CWC22: variants seen among roughly 807,000 people sequenced by gnomAD.
CWC22 encodes the protein CWC22 spliceosome associated protein.
Under a neutral mutation model 117.2 loss-of-function variants are expected in CWC22, and 53 were observed. That is an observed-to-expected ratio of 0.45 (90% CI 0.36 to 0.57). CWC22 has a LOEUF of 0.57. Among genes scored for constraint, CWC22 ranks in the 20% least tolerant of loss-of-function variants. The probability of loss-of-function intolerance (pLI) is 0.00; values close to 1 mark genes in which losing one functional copy is unlikely to be tolerated. For synonymous variants in CWC22, 360 were observed against 355.6 expected (o/e 1.01, Z -0.14); for missense variants, 980 against 1,068.8 (o/e 0.92, Z 1.16).
chr2:179,996,894 C>T (rs1002521206), intron 1 of CWC22, among the ~76,000 whole-genome samples: 4 of 148,016 alleles, frequency 2.7e-5, no homozygotes, highest in Non-Finnish European at 4.5e-5. Context: ...AAAATGAAGA[C>T]ATTTACTGAT....
chr2:179,956,036 AC>A (rs1270723433), intron 14 of CWC22, among the ~76,000 whole-genome samples: 1 of 152,006 alleles, frequency 6.6e-6, no homozygotes, highest in Non-Finnish European at 1.5e-5. Flanking sequence ...GCATATAAAA[AC>A]GTGTTGCTTT....
intron 7 of CWC22, 119 bp downstream of exon 7, chr2:179,973,515 G>C: frequency 1.4e-6 from 1 of 729,810 alleles, no homozygotes; most frequent in African/African-American, 1.8e-5. Flanking sequence ...ATGAAAGACA[G>C]TTTTTAAAAA....
At chr2:179,960,371 A>G (rs1465257518) in intron 13 of CWC22, among the ~76,000 whole-genome samples, 1 of 152,016 alleles carries the variant, frequency 6.6e-6, no homozygotes, top group Admixed American at 6.5e-5. Context: ...GAAAGAAAAA[A>G]ATCAATAACT....
chr2:179,973,325 A>T (rs1424947721), intron 7 of CWC22, 79 bp from the exon 8 acceptor site: 2 of 958,746 alleles, frequency 2.1e-6, no homozygotes, highest in African/African-American at 3.3e-5. Context: ...GCCTACTAAC[A>T]TCATCTATTT....
At chr2:180,005,140 C>A (rs1687940335) in intron 1 of CWC22, among the ~76,000 whole-genome samples, 1 of 152,038 alleles carries the variant, frequency 6.6e-6, no homozygotes, top group South Asian at 2.1e-4. Context: ...GGAGATGATG[C>A]TGCTGATTCA....
At chr2:179,963,469 A>G in intron 13 of CWC22, among the ~76,000 whole-genome samples, 1 of 145,466 alleles carries the variant, frequency 6.9e-6, no homozygotes, top group African/African-American at 2.5e-5. Flanking sequence ...CAGCCTCCCG[A>G]GTAGCTGGGA....
intron 3 of CWC22, among the ~76,000 whole-genome samples, chr2:179,987,313 T>C (rs1365059068): frequency 3.3e-5 from 5 of 152,154 alleles, no homozygotes; most frequent in Admixed American, 2.6e-4. Flanking sequence ...CAAACAAGGA[T>C]GGATAGCATC....
intron 4 of CWC22, among the ~76,000 whole-genome samples, chr2:179,983,679 A>C (rs1002407508): frequency 1.1e-4 from 16 of 152,114 alleles, no homozygotes; most frequent in Non-Finnish European, 1.9e-4. Flanking sequence ...GAGGTATAAG[A>C]GACTTAAATG....
At chr2:179,965,056 T>C (rs1686854202) in intron 12 of CWC22, among the ~76,000 whole-genome samples, 1 of 149,898 alleles carries the variant, frequency 6.7e-6, no homozygotes, top group Non-Finnish European at 1.5e-5. Flanking sequence ...CATAAATACA[T>C]ATATTTGTTA....
chr2:179,978,414 C>A, intron 5 of CWC22, 96 bp from the exon 6 acceptor site: 11 of 1,263,608 alleles, frequency 8.7e-6, no homozygotes, highest in Non-Finnish European at 9.1e-6. Flanking sequence ...TAATTTTTGA[C>A]ATTATTTTCA....
chr2:179,946,467 G>C (rs1410235339), intron 19 of CWC22, among the ~76,000 whole-genome samples: 14 of 124,692 alleles, frequency 1.1e-4, no homozygotes, highest in Admixed American at 3.2e-4. Context: ...AAAAAAAAGG[G>C]GGGGGGGGAA....
intron 19 of CWC22, among the ~76,000 whole-genome samples, chr2:179,948,418 GGAT>G (rs2105504561): frequency 6.6e-6 from 1 of 152,004 alleles, no homozygotes; most frequent in East Asian, 1.9e-4. Context: ...ATCCAAAGAT[GGAT>G]GTTAAAATTA....
chr2:179,990,546 C>CAGAG (rs3082436), intron 2 of CWC22, among the ~76,000 whole-genome samples: 67 of 144,948 alleles, frequency 4.6e-4, no homozygotes, highest in African/African-American at 7.2e-4. Flanking sequence ...GTGAGACAGA[C>CAGAG]AGAGAGAGAG....
Position 179,978,196 on chromosome 2 carries a change from C to T in CWC22, c.575G>A (p.Arg192Lys), listed in dbSNP as rs779503570. The T allele has an allele frequency of 2.0e-6, 3 of 1,532,840 alleles. No homozygotes were observed. In the East Asian group the frequency reaches 7.2e-5, roughly 37 times the overall value. 95.0% of individuals were successfully genotyped at this position (1,532,840 alleles called of 1,614,324 possible). The stretch of plus-strand genomic sequence containing the variant: ...TAAAATAGCCAATACTTACCTTCCT[C>T]TAACTATATTTTCTTGAAGAAGCTC... ...IQELLQENIV[R>K]GRGLLSRSVL... Residue 192 changes from arginine (R) to lysine (K), a missense_variant, in exon 6 of 20, where the codon AGA (arginine) becomes AAA (lysine). By Grantham distance (26) the Arg-to-Lys change is conservative (BLOSUM62 2). Around this residue, in one of 3 missense-constraint regions of CWC22, gnomAD observed 559 missense variants for 602.3 expected, o/e 0.93. Transcript: ENST00000410053.
intron 5 of CWC22, among the ~76,000 whole-genome samples, chr2:179,979,881 A>G (rs1485506091): frequency 2.0e-5 from 3 of 152,212 alleles, no homozygotes; most frequent in East Asian, 3.9e-4. Flanking sequence ...AAATACAATT[A>G]TACATCCTAA....
At chr2:179,970,326 A>T (rs955953961) in intron 11 of CWC22, among the ~76,000 whole-genome samples, 175 bp downstream of exon 11, 3 of 152,002 alleles carry the variant, frequency 2.0e-5, no homozygotes, top group East Asian at 3.9e-4. Context: ...GAAGTAAAAA[A>T]CCCTGGGCAA....
chr2:179,992,072 T>G (rs573708218), intron 2 of CWC22, among the ~76,000 whole-genome samples: 47 of 152,350 alleles, frequency 3.1e-4, no homozygotes, highest in Non-Finnish European at 6.5e-4. Context: ...GCTTGCAATC[T>G]ACTGCTTCTC....
Position 179,981,908 on chromosome 2 carries a change from G to A in CWC22, c.296C>T (p.Pro99Leu). The part of the protein sequence containing the change: ...RKSPSPGRRN[P>L]ETSVTQSSSA... ...GGAACTCTGAGTTACTGATGTTTCTGGGTTTCTCCTCCCAGGAGATGGGGA... is the reference window on the plus strand; with the variant it reads ...GGAACTCTGAGTTACTGATGTTTCTAGGTTTCTCCTCCCAGGAGATGGGGA... The change falls in exon 5 of 20, where the codon CCA becomes CTA. Residue 99 changes from proline (P) to leucine (L), a missense_variant. Transcript: ENST00000410053. The A allele has an allele frequency of 6.3e-7, 1 of 1,599,342 alleles. No homozygotes were observed. Among genetic ancestry groups the A allele is most frequent in the Non-Finnish European group, 8.5e-7 (1 of 1,172,082 alleles).
chr2:179,987,810 T>C (rs1402864833), intron 3 of CWC22, among the ~76,000 whole-genome samples: 2 of 152,228 alleles, frequency 1.3e-5, no homozygotes, highest in African/African-American at 2.4e-5. Context: ...TAATATGAAT[T>C]CATAATGCAC....
Sources: allele counts gnomAD v4.1 joint callset (sites outside exome capture counted in the v4.1 genomes callset), GRCh38; gene constraint gnomAD v4.1.1; regional missense constraint gnomAD v4.1.1; transcripts MANE v1.5; gene names NCBI Gene and HGNC (gene_info 2026-07-23, HGNC 2026-07-21).